PARG: variants seen among roughly 807,000 people sequenced by gnomAD.
PARG encodes the protein mitochondrial poly(ADP-ribose) glycohydrolase.
Under a neutral mutation model 113.0 loss-of-function variants are expected in PARG, and 35 were observed. The observed-to-expected ratio is 0.31, with a 90% CI of 0.24 to 0.41. The LOEUF (loss-of-function observed/expected upper bound fraction) is 0.41, where lower values mean the gene tolerates loss of function less well. PARG is among the 10% of genes least tolerant of loss of function. PARG has a pLI of 1.00. For synonymous variants in PARG, 330 were observed against 409.9 expected (o/e 0.81, Z 2.36); for missense variants, 797 against 1,169.4 (o/e 0.68, Z 4.64).
Position 49,927,252 on chromosome 10 carries a change from A to G in PARG, c.1456-4583T>C, listed in dbSNP as rs371693617. On this transcript the variant is annotated intron_variant, in intron 4 of 17. Coordinates refer to ENST00000616448, the MANE Select transcript of PARG (RefSeq NM_003631.5). ...AACCTGGGAGGCAGAGGTTGCAGTGAGCTGAGATTGCGCCACTGCACTCCA... is the reference window on the plus strand; with the variant it reads ...AACCTGGGAGGCAGAGGTTGCAGTGGGCTGAGATTGCGCCACTGCACTCCA... Among the ~76,000 whole-genome samples the G allele has an allele frequency of 2.0e-5, 3 of 151,794 alleles. No homozygotes were observed. In the South Asian group the frequency reaches 6.2e-4, roughly 32 times the overall value.
intron 16 of PARG, among the ~76,000 whole-genome samples, chr10:49,822,071 G>A (rs548399801): frequency 3.3e-5 from 5 of 152,190 alleles, no homozygotes; most frequent in African/African-American, 4.8e-5. Flanking sequence ...ATGAGCAAAT[G>A]AATAAATGTG....
chr10:49,933,746 G>C lies in PARG; in HGVS notation c.702C>G (p.His234Gln). The change falls in exon 3 of 18, where the codon CAC (histidine) becomes CAG (glutamine). Residue 234 changes from histidine to glutamine, a missense_variant. Physicochemically the swap from His to Gln is conservative, Grantham distance 24. Coordinates refer to ENST00000616448, the MANE Select transcript of PARG (RefSeq NM_003631.5). Reference sequence around the variant, plus strand: ...GATCGCAAGACTTGCTGCACTTCTGGTGGCTTTTGGCTTCTCTGGCCTGTT... The same window carrying C: ...GATCGCAAGACTTGCTGCACTTCTGCTGGCTTTTGGCTTCTCTGGCCTGTT... ...EDEQAREAKSHQKCSKSCDPG... is the reference protein window; with the variant it reads ...EDEQAREAKSQQKCSKSCDPG... 1 of 1,613,072 alleles carries C rather than the reference G, an allele frequency of 6.2e-7. No homozygotes were observed. The highest frequency in any genetic ancestry group is 8.5e-7 in the Non-Finnish European group (1 of 1,179,112).
intron 15 of PARG, among the ~76,000 whole-genome samples, chr10:49,836,336 T>TTTG (rs370070934): frequency 1.4e-5 from 2 of 138,636 alleles, no homozygotes; most frequent in African/African-American, 5.6e-5. Context: ...TTTTTTTTTT[T>TTTG]AGCCCAGGCT....
At chr10:49,820,126 C>G in intron 17 of PARG, 39 bp downstream of exon 17, 1 of 1,420,996 alleles carries the variant, frequency 7.0e-7, no homozygotes, top group Non-Finnish European at 9.7e-7. Context: ...GGTGTACAAT[C>G]CATCTAGATA....
intron 7 of PARG, among the ~76,000 whole-genome samples, chr10:49,889,706 C>T (rs781998406): frequency 4.0e-4 from 61 of 152,218 alleles, no homozygotes; most frequent in South Asian, 2.1e-4. Flanking sequence ...CAGGCTGACA[C>T]GTCTCCTTTG....
chr10:49,936,107 G>A (rs1838726426), intron 1 of PARG, among the ~76,000 whole-genome samples: 1 of 152,036 alleles, frequency 6.6e-6, no homozygotes, highest in African/African-American at 2.4e-5. Context: ...TGAGTAGGAT[G>A]AAGGCATGAG....
intron 4 of PARG, among the ~76,000 whole-genome samples, chr10:49,927,369 G>GAAA (rs1838239269): frequency 1.5e-4 from 20 of 130,758 alleles, no homozygotes; most frequent in African/African-American, 6.1e-4. Flanking sequence ...AAGGAAAGAA[G>GAAA]GAAAGAAAGA....
intron 8 of PARG, among the ~76,000 whole-genome samples, chr10:49,884,217 T>A (rs1294481746): frequency 4.6e-5 from 7 of 152,148 alleles, no homozygotes; most frequent in Admixed American, 3.9e-4. Flanking sequence ...ATAATACATG[T>A]TTATTGTTTT....
intron 1 of PARG, among the ~76,000 whole-genome samples, chr10:49,938,437 A>C (rs1838851993): frequency 6.6e-6 from 1 of 152,218 alleles, no homozygotes; most frequent in Non-Finnish European, 1.5e-5. Context: ...TCATTCAATT[A>C]ATAGCTATAG....
intron 13 of PARG, among the ~76,000 whole-genome samples, chr10:49,845,348 T>C (rs1845455849): frequency 6.6e-6 from 1 of 152,162 alleles, no homozygotes; most frequent in South Asian, 2.1e-4. Context: ...TACAATAGAT[T>C]TGTATCAGTC....
At position 49,819,412 on chromosome 10, in the gene PARG, A is replaced by C. The variant is rs2132331303; in HGVS notation, c.2859T>G (p.Tyr953Ter). ...CSTPGPDIKLYPFIYHAVESC... is the reference protein window; with the variant it reads ...CSTPGPDIKL ...ACTCGACAGCATGGTATATGAATGGATAAAGCTTGATGTCTGGTCCAGGGG... is the reference window on the plus strand; with the variant it reads ...ACTCGACAGCATGGTATATGAATGGCTAAAGCTTGATGTCTGGTCCAGGGG... The change falls in exon 18 of 18, where the codon TAT (tyrosine) becomes TAG (stop). Residue 953 changes from tyrosine (Y) to a stop codon, truncating the protein, a stop_gained. Coordinates refer to ENST00000616448, the MANE Select transcript of PARG (RefSeq NM_003631.5). LOFTEE classifies it high-confidence loss of function. 1 of 1,551,492 alleles carries C rather than the reference A, an allele frequency of 6.4e-7. No individual in the cohort carries two copies. Among genetic ancestry groups the C allele is most frequent in the African/African-American group, 1.4e-5 (1 of 73,176 alleles).
chr10:49,825,486 G>T (rs1844307593), intron 16 of PARG, among the ~76,000 whole-genome samples: 1 of 152,196 alleles, frequency 6.6e-6, no homozygotes, highest in Non-Finnish European at 1.5e-5. Flanking sequence ...TGCCTCAGTT[G>T]TTGCCCCTAT....
At chr10:49,893,043 C>T (rs541235348) in intron 7 of PARG, among the ~76,000 whole-genome samples, 2 of 152,296 alleles carry the variant, frequency 1.3e-5, no homozygotes, top group South Asian at 4.1e-4. Flanking sequence ...TATAAACATT[C>T]TTCTACAAAT....
chr10:49,934,992 G>A (rs1838679615), intron 2 of PARG, 84 bp downstream of exon 2: 4 of 658,578 alleles, frequency 6.1e-6, no homozygotes, highest in Non-Finnish European at 1.1e-5. Context: ...AGAAAAGCAT[G>A]AACAAAGAGA....
At chr10:49,905,563 G>C (rs117028518) in intron 7 of PARG, among the ~76,000 whole-genome samples, 291 of 152,244 alleles carry the variant, frequency 1.9e-3, no homozygotes, top group East Asian at 0.018. Flanking sequence ...AAAAAAAGAG[G>C]TTTAATTAAA....
chr10:49,913,427 T>C (rs562613705), intron 7 of PARG, among the ~76,000 whole-genome samples: 2 of 152,236 alleles, frequency 1.3e-5, no homozygotes, highest in Non-Finnish European at 2.9e-5. Flanking sequence ...GGCTAAACAT[T>C]ATAAAATTAT....
intron 4 of PARG, among the ~76,000 whole-genome samples, chr10:49,931,584 C>A (rs1226513671): frequency 6.6e-6 from 1 of 151,828 alleles, no homozygotes; most frequent in Non-Finnish European, 1.5e-5. Context: ...AACCAATCAG[C>A]ACTCTCGACT....
At chr10:49,891,246 A>G (rs1847763711) in intron 7 of PARG, among the ~76,000 whole-genome samples, 1 of 152,204 alleles carries the variant, frequency 6.6e-6, no homozygotes, top group Admixed American at 6.5e-5. Flanking sequence ...CCCGGGAGGC[A>G]GAGGTTGCAG....
chr10:49,840,020 G>A (rs999644602), intron 15 of PARG, among the ~76,000 whole-genome samples: 2 of 152,146 alleles, frequency 1.3e-5, no homozygotes, highest in African/African-American at 4.8e-5. Flanking sequence ...TGGTACTGGG[G>A]ACAATTGCTT....
Sources: gnomAD v4.1 joint callset for allele counts (sites outside exome capture counted in the v4.1 genomes callset) on GRCh38, gnomAD v4.1.1 for gene constraint, MANE v1.5 for transcripts, NCBI Gene and HGNC (gene_info 2026-07-23, HGNC 2026-07-21) for gene names.